Variants in GFM2 observed in about 807,000 individuals in gnomAD.
The protein encoded by GFM2 is GTP dependent ribosome recycling factor mitochondrial 2.
Under a neutral mutation model 95.4 loss-of-function variants are expected in GFM2, and 72 were observed. The observed-to-expected ratio is 0.76, with a 90% CI of 0.62 to 0.92. GFM2 has a LOEUF of 0.92. GFM2 is among the 40% of genes least tolerant of loss of function. The probability of loss-of-function intolerance (pLI) is 0.00; values close to 1 mark genes in which losing one functional copy is unlikely to be tolerated. For missense variants in GFM2, 825 were observed against 924.1 expected (o/e 0.89, Z 1.39); for synonymous variants, 276 against 317.5 (o/e 0.87, Z 1.39).
At chr5:74,728,507 A>C (rs1292411652) in intron 17 of GFM2, among the ~76,000 whole-genome samples, 1 of 152,130 alleles carries the variant, frequency 6.6e-6, no homozygotes, top group African/African-American at 2.4e-5. Flanking sequence ...ATCCATGTGT[A>C]AGTGTACCTG....
intron 15 of GFM2, chr5:74,736,557 C>T (rs1742843269): frequency 2.2e-6 from 3 of 1,353,798 alleles, no homozygotes; most frequent in South Asian, 3.3e-5. Context: ...GATAGCACTA[C>T]AAGAGTAAGG....
At chr5:74,764,782 T>TG (rs1744462912) in intron 1 of GFM2, among the ~76,000 whole-genome samples, 1 of 132,600 alleles carries the variant, frequency 7.5e-6, no homozygotes, top group African/African-American at 2.9e-5. Context: ...TTTGTTGTTT[T>TG]TTTTTTTTTT....
chr5:74,749,697 T>C (rs1028498358), intron 7 of GFM2, among the ~76,000 whole-genome samples: 1 of 152,196 alleles, frequency 6.6e-6, no homozygotes, highest in Non-Finnish European at 1.5e-5. Context: ...ATTCAGGAAA[T>C]TTAATATTTG....
intron 1 of GFM2, among the ~76,000 whole-genome samples, chr5:74,764,644 T>C (rs1408941547): frequency 6.6e-6 from 1 of 152,162 alleles, no homozygotes; most frequent in Non-Finnish European, 1.5e-5. Flanking sequence ...TATTAAGATA[T>C]GTGAAACCTC....
chr5:74,728,613 A>G (rs1302713330), intron 17 of GFM2, among the ~76,000 whole-genome samples: 7 of 152,092 alleles, frequency 4.6e-5, no homozygotes, highest in Admixed American at 4.6e-4. Flanking sequence ...TCTACATCTC[A>G]TAATTCCAAT....
chr5:74,748,467 G>C (rs1743502798), intron 7 of GFM2, among the ~76,000 whole-genome samples: 1 of 152,094 alleles, frequency 6.6e-6, no homozygotes, highest in African/African-American at 2.4e-5. Context: ...TCTTATTCTT[G>C]AACCTCATAC....
chr5:74,766,430 A>G (rs945307225), intron 1 of GFM2, among the ~76,000 whole-genome samples: 23 of 151,784 alleles, frequency 1.5e-4, no homozygotes, highest in African/African-American at 5.4e-4. Context: ...CAAGCTGTGA[A>G]GTAATTAAGG....
chr5:74,740,002 T>TAA lies in GFM2; in HGVS notation c.1065_1066insTT (p.Asn356LeufsTer39), dbSNP rs751152677. The TAA allele has an allele frequency of 6.4e-7, 1 of 1,552,510 alleles. No individual in the cohort carries two copies. Among genetic ancestry groups the TAA allele is most frequent in the East Asian group, 2.3e-5 (1 of 42,688 alleles). On this transcript the variant is annotated frameshift_variant, in exon 12 of 21. Transcript: ENST00000296805. LOFTEE classifies it high-confidence loss of function. ...TTGCATACTTACAGAAATTCATAGT[T>TAA]ACGCTCTTCAGGTGAAGGTAAGTAC...
At chr5:74,765,935 G>A (rs1744565224) in intron 1 of GFM2, among the ~76,000 whole-genome samples, 1 of 152,112 alleles carries the variant, frequency 6.6e-6, no homozygotes. Flanking sequence ...GGAGGCAGAG[G>A]TTGCAGTGAG....
At chr5:74,763,995 T>C (rs1183869265) in intron 1 of GFM2, among the ~76,000 whole-genome samples, 1 of 152,186 alleles carries the variant, frequency 6.6e-6, no homozygotes, top group African/African-American at 2.4e-5. Flanking sequence ...TATTTGTCAA[T>C]GTAATGTTTA....
chr5:74,746,046 T>C (rs1743368326), intron 9 of GFM2, 59 bp downstream of exon 9: 9 of 1,252,850 alleles, frequency 7.2e-6, no homozygotes, highest in African/African-American at 3.0e-5. Flanking sequence ...ATGTATATAT[T>C]GTCACAAAAT....
chr5:74,749,762 TTTTAA>T (rs1300547171), intron 7 of GFM2, among the ~76,000 whole-genome samples: 1 of 152,202 alleles, frequency 6.6e-6, no homozygotes, highest in East Asian at 1.9e-4. Flanking sequence ...TTCCTTGTGT[TTTTAA>T]TTTTTTTGTT....
At chr5:74,757,749 A>G (rs1744068841) in intron 5 of GFM2, among the ~76,000 whole-genome samples, 1 of 151,212 alleles carries the variant, frequency 6.6e-6, no homozygotes, top group East Asian at 1.9e-4. Flanking sequence ...AAAAAAAAAA[A>G]AAAAAAAATT....
At chr5:74,766,676 T>C (rs1744635495) in intron 1 of GFM2, among the ~76,000 whole-genome samples, 1 of 152,234 alleles carries the variant, frequency 6.6e-6, no homozygotes, top group Admixed American at 6.5e-5. Context: ...TAGTTCCATT[T>C]TTCTGTACAC....
chr5:74,761,061 C>T (rs923150927), intron 2 of GFM2, 75 bp from the exon 3 acceptor site: 42 of 810,894 alleles, frequency 5.2e-5, no homozygotes, highest in Admixed American at 4.1e-4. Context: ...ATTGTAATTA[C>T]GCTTTGTCAG....
At chr5:74,745,971 C>A (rs1262546211) in intron 9 of GFM2, 114 bp from the exon 10 acceptor site, 6 of 1,093,486 alleles carry the variant, frequency 5.5e-6, no homozygotes, top group Admixed American at 4.9e-5. Flanking sequence ...ATCACCATTA[C>A]TATAATCTGT....
chr5:74,764,552 G>C (rs1744445633), intron 1 of GFM2, among the ~76,000 whole-genome samples: 1 of 151,850 alleles, frequency 6.6e-6, no homozygotes, highest in Admixed American at 6.6e-5. Context: ...GATTTTATGT[G>C]TGGCCAAAGA....
chr5:74,750,639 C>G lies in GFM2; in HGVS notation c.459G>C (p.Glu153Asp). ...PGHVDFTLEV[E>D]RCLRVLDGAV... ...CACCATCCAACACTCTTAGGCACCG[C>G]TCAACCTCCAAGGTAAAGTCCACAT... is the stretch of plus-strand genomic sequence containing the variant. The change falls in exon 7 of 21, where the codon GAG becomes GAC. Residue 153 changes from glutamate (E) to aspartate (D), a missense_variant. Transcript: ENST00000296805. The G allele has an allele frequency of 6.2e-7, 1 of 1,612,862 alleles. No homozygotes were observed. The highest frequency in any genetic ancestry group is 8.5e-7 in the Non-Finnish European group (1 of 1,179,282).
Position 74,763,732 on chromosome 5 carries a change from T to G in GFM2, c.11A>C (p.Asn4Thr). 1 of 1,606,506 alleles carries G rather than the reference T, an allele frequency of 6.2e-7. No homozygotes were observed. Among genetic ancestry groups the G allele is most frequent in the Middle Eastern group, 1.7e-4 (1 of 6,042 alleles). ...ATGACTCATTGCAAATATCCTCAAG[T>G]TGGTCAACATCTTGATCCTCCAAAC... is the stretch of plus-strand genomic sequence containing the variant. MLT[N>T]LRIFAMSHQT... The change falls in exon 2 of 21, where the codon AAC becomes ACC. Residue 4 changes from asparagine to threonine, a missense_variant. Asn to Thr is a moderately conservative substitution (Grantham distance 65, BLOSUM62 0). Transcript: ENST00000296805.
Sources: allele counts gnomAD v4.1 joint callset (sites outside exome capture counted in the v4.1 genomes callset), GRCh38; gene constraint gnomAD v4.1.1; transcripts MANE v1.5; gene names NCBI Gene and HGNC (gene_info 2026-07-23, HGNC 2026-07-21).